Variants in CCDC192 observed in about 807,000 individuals in gnomAD.
CCDC192 encodes coiled-coil domain containing 192, also known as coiled-coil domain-containing protein 192.
intron 2 of CCDC192, among the ~76,000 whole-genome samples, chr5:127,736,717 A>G (rs200596124): frequency 0.058 from 8,754 of 151,170 alleles, 632 homozygotes; most frequent in East Asian, 0.27. Context: ...TTATTTGCAT[A>G]GAGGTGTTTG....
intron 6 of CCDC192, among the ~76,000 whole-genome samples, chr5:127,887,653 A>AT (rs1752607508): frequency 6.6e-6 from 1 of 150,752 alleles, no homozygotes; most frequent in Non-Finnish European, 1.5e-5. Flanking sequence ...GACATTATTC[A>AT]TTTTCATTTT....
chr5:127,815,873 A>T (rs988751793), intron 5 of CCDC192, among the ~76,000 whole-genome samples: 1 of 151,886 alleles, frequency 6.6e-6, no homozygotes, highest in Non-Finnish European at 1.5e-5. Flanking sequence ...GTCTGAAAAA[A>T]AAAATAAAAA....
At chr5:127,802,708 G>T (rs1482832440) in intron 5 of CCDC192, among the ~76,000 whole-genome samples, 2 of 152,152 alleles carry the variant, frequency 1.3e-5, no homozygotes, top group Non-Finnish European at 2.9e-5. Context: ...TCTCAAGACT[G>T]CAAGTTCCTG....
chr5:127,710,598 C>T (rs1380768774), intron 2 of CCDC192, among the ~76,000 whole-genome samples: 3 of 152,010 alleles, frequency 2.0e-5, no homozygotes, highest in Non-Finnish European at 2.9e-5. Flanking sequence ...AAATGGCTCT[C>T]GATCGATATC....
In CCDC192 at chr5:127,760,593, G is replaced by A. The variant is rs140627316; in HGVS notation, c.222+6218G>A. ...TGTTCTCCAACTGCATGGCTAACAC[G>A]GTGCAACCCCATCTCTACTAAAAAA... On this transcript the variant is annotated intron_variant, in intron 3 of 6. Transcript: ENST00000514853. Among the ~76,000 whole-genome samples, 43 of 151,272 alleles carry A rather than the reference G, an allele frequency of 2.8e-4. No individual in the cohort carries two copies. The East Asian group carries it at 5.9e-3, about 21-fold the overall frequency.
chr5:127,861,014 T>C (rs1751337419), intron 5 of CCDC192, among the ~76,000 whole-genome samples: 1 of 152,130 alleles, frequency 6.6e-6, no homozygotes, highest in African/African-American at 2.4e-5. Context: ...TTACTTTTTT[T>C]TTCTTTTTTT....
At chr5:127,806,954 A>G (rs1757820416) in intron 5 of CCDC192, among the ~76,000 whole-genome samples, 1 of 152,144 alleles carries the variant, frequency 6.6e-6, no homozygotes, top group South Asian at 2.1e-4. Context: ...GCCAGAGAGG[A>G]AGACAGCATT....
At chr5:127,918,033 G>A (rs1753577421) in intron 6 of CCDC192, among the ~76,000 whole-genome samples, 1 of 151,964 alleles carries the variant, frequency 6.6e-6, no homozygotes, top group African/African-American at 2.4e-5. Flanking sequence ...TATTCAGGAG[G>A]CTGAGGTGGG....
intron 1 of CCDC192, among the ~76,000 whole-genome samples, chr5:127,706,569 A>G (rs567990471): frequency 6.6e-6 from 1 of 152,008 alleles, no homozygotes; most frequent in Non-Finnish European, 1.5e-5. Context: ...TTGATTGACA[A>G]CAATAGAAAG....
At chr5:127,915,656 T>C (rs1753499968) in intron 6 of CCDC192, among the ~76,000 whole-genome samples, 1 of 152,220 alleles carries the variant, frequency 6.6e-6, no homozygotes, top group African/African-American at 2.4e-5. Flanking sequence ...GCTGGGATTA[T>C]AGGCGTGAGC....
intron 5 of CCDC192, among the ~76,000 whole-genome samples, chr5:127,807,739 A>G (rs1757870743): frequency 6.6e-6 from 1 of 152,096 alleles, no homozygotes; most frequent in African/African-American, 2.4e-5. Context: ...TCCTGGGCTG[A>G]TCAGGAGTCG....
At chr5:127,922,809 T>G (rs1000173569) in intron 6 of CCDC192, among the ~76,000 whole-genome samples, 2 of 152,206 alleles carry the variant, frequency 1.3e-5, no homozygotes, top group African/African-American at 4.8e-5. Flanking sequence ...GCTCACTCAC[T>G]TATTCAGAGA....
intron 3 of CCDC192, among the ~76,000 whole-genome samples, chr5:127,763,455 AG>A (rs376025042): frequency 2.0e-4 from 31 of 152,262 alleles, no homozygotes; most frequent in African/African-American, 7.0e-4. Context: ...TACCTTCTGC[AG>A]TGCCTCTCCT....
At chr5:127,908,621 T>C (rs1440049768) in intron 6 of CCDC192, among the ~76,000 whole-genome samples, 1 of 152,218 alleles carries the variant, frequency 6.6e-6, no homozygotes, top group Non-Finnish European at 1.5e-5. Context: ...ATTTTTATAC[T>C]GGTAGAACAC....
intron 2 of CCDC192, among the ~76,000 whole-genome samples, chr5:127,726,176 A>G (rs949352025): frequency 6.6e-6 from 1 of 152,242 alleles, no homozygotes; most frequent in South Asian, 2.1e-4. Flanking sequence ...TAAAATAAAT[A>G]TATGTTATCT....
rs565441960 is a variant in CCDC192, at chr5:127,938,137, T to A, written c.536-3045T>A. Among the ~76,000 whole-genome samples the A allele has an allele frequency of 2.0e-5, 3 of 152,202 alleles. No individual in the cohort carries two copies. In the South Asian group the frequency reaches 6.2e-4, roughly 32 times the overall value. On this transcript the variant is annotated intron_variant, in intron 6 of 6. Coordinates refer to ENST00000514853, the MANE Select transcript of CCDC192 (RefSeq NM_001317938.2). ...ACTCACTTCGACCCACCTGAATCAGTTTCTTATGTAGTTTAAGGAGTAGCT... is the reference window on the plus strand; with the variant it reads ...ACTCACTTCGACCCACCTGAATCAGATTCTTATGTAGTTTAAGGAGTAGCT...
chr5:127,908,513 A>G (rs1172657994), intron 6 of CCDC192, among the ~76,000 whole-genome samples: 1 of 152,230 alleles, frequency 6.6e-6, no homozygotes, highest in East Asian at 1.9e-4. Context: ...GATTAGAAAT[A>G]AAGTTTAACA....
intron 5 of CCDC192, among the ~76,000 whole-genome samples, chr5:127,829,502 G>A (rs1255924764): frequency 6.6e-6 from 1 of 151,912 alleles, no homozygotes; most frequent in African/African-American, 2.4e-5. Flanking sequence ...ATTATTCCTG[G>A]GAATCAAAGA....
At chr5:127,723,476 A>G (rs1369442514) in intron 2 of CCDC192, among the ~76,000 whole-genome samples, 1 of 152,198 alleles carries the variant, frequency 6.6e-6, no homozygotes, top group Non-Finnish European at 1.5e-5. Flanking sequence ...TGCTCTAGGT[A>G]GGAGTTCTAG....
Sources: gnomAD v4.1 joint callset for allele counts (sites outside exome capture counted in the v4.1 genomes callset) on GRCh38, gnomAD v4.1.1 for gene constraint, MANE v1.5 for transcripts, NCBI Gene and HGNC (gene_info 2026-07-23, HGNC 2026-07-21) for gene names.